The following MGAT4C variants were observed in gnomAD, a reference collection of about 807,000 sequenced individuals.
MGAT4C encodes MGAT4 family member C.
In MGAT4C, 19 loss-of-function variants were observed where a neutral mutation model predicts 40.1. The observed-to-expected ratio is 0.47, with a 90% CI of 0.33 to 0.70. The LOEUF (loss-of-function observed/expected upper bound fraction) is 0.70. Among genes scored for constraint, MGAT4C ranks in the 30% least tolerant of loss-of-function variants. The pLI, the probability that MGAT4C is intolerant of heterozygous loss-of-function variation, is 0.02. For missense variants in MGAT4C, 491 were observed against 563.2 expected (o/e 0.87, Z 1.30); for synonymous variants, 181 against 187.1 (o/e 0.97, Z 0.27).
chr12:86,827,812 T>C (rs1420469616), intron 1 of MGAT4C, among the ~76,000 whole-genome samples: 1 of 151,426 alleles, frequency 6.6e-6, no homozygotes, highest in Non-Finnish European at 1.5e-5. Context: ...TATAAAGGCA[T>C]CATACCATGT....
At chr12:86,724,235 T>C (rs1303648956) in intron 2 of MGAT4C, among the ~76,000 whole-genome samples, 2 of 152,188 alleles carry the variant, frequency 1.3e-5, no homozygotes, top group Non-Finnish European at 1.5e-5. Context: ...CACCCAATGA[T>C]TCTTTTAAAT....
chr12:86,084,259 TA>T (rs34003454), intron 1 of MGAT4C, among the ~76,000 whole-genome samples: 1 of 152,020 alleles, frequency 6.6e-6, no homozygotes, highest in African/African-American at 2.4e-5. Context: ...CCTGGTAGGG[TA>T]AAAAACAAGG....
intron 1 of MGAT4C, among the ~76,000 whole-genome samples, chr12:86,234,136 AAAAAG>A (rs2136023678): frequency 6.6e-6 from 1 of 152,304 alleles, no homozygotes; most frequent in South Asian, 2.1e-4. Context: ...GTTCAGATTG[AAAAAG>A]CCATCTGGTT....
intron 4 of MGAT4C, among the ~76,000 whole-genome samples, chr12:86,294,123 AC>A: frequency 1.1e-5 from 1 of 92,684 alleles, no homozygotes; most frequent in East Asian, 3.3e-4. Context: ...AAATTAAAAA[AC>A]AATATTAAAA....
intron 2 of MGAT4C, among the ~76,000 whole-genome samples, chr12:86,033,082 C>T (rs1453344952): frequency 6.7e-6 from 1 of 149,168 alleles, no homozygotes; most frequent in Non-Finnish European, 1.5e-5. Context: ...TTTAGCTGTG[C>T]AGCATTATTT....
At position 86,198,431 on chromosome 12, in the gene MGAT4C, C is replaced by A. The variant is rs1476375827; in HGVS notation, c.-57+57808G>T. ...TTACATTTGCATTTTTTAGTAACCT[C>A]TACAGTTATAAAACATTGCTTTTTA... On this transcript the variant is annotated intron_variant, in intron 1 of 4. Coordinates refer to ENST00000611864, the MANE Select transcript of MGAT4C (RefSeq NM_001351288.2). 3.9e-5 allele frequency among the ~76,000 whole-genome samples: 6 copies of A among 152,230 alleles called. No homozygotes were observed. The South Asian group carries it at 6.2e-4, about 16-fold the overall frequency.
chr12:86,296,233 C>G (rs1001966699), intron 4 of MGAT4C, among the ~76,000 whole-genome samples: 2 of 152,142 alleles, frequency 1.3e-5, no homozygotes, highest in Non-Finnish European at 2.9e-5. Context: ...GGTGCACTCA[C>G]AAACCTTGAG....
chr12:86,078,895 T>C (rs1382882629), intron 1 of MGAT4C, among the ~76,000 whole-genome samples: 1 of 152,236 alleles, frequency 6.6e-6, no homozygotes, highest in African/African-American at 2.4e-5. Flanking sequence ...TATTTTGACA[T>C]CTGACATGCA....
chr12:86,188,953 C>A (rs1380879461), intron 1 of MGAT4C, among the ~76,000 whole-genome samples: 1 of 151,766 alleles, frequency 6.6e-6, no homozygotes, highest in African/African-American at 2.4e-5. Context: ...AAAGCATATG[C>A]TTTAAAATAA....
intron 3 of MGAT4C, among the ~76,000 whole-genome samples, chr12:86,391,170 T>A (rs965682713): frequency 6.6e-6 from 1 of 152,156 alleles, no homozygotes; most frequent in African/African-American, 2.4e-5. Flanking sequence ...AGCTTTTGGA[T>A]GATAGGAAAG....
intron 4 of MGAT4C, among the ~76,000 whole-genome samples, chr12:86,327,764 A>G (rs1954560611): frequency 6.6e-6 from 1 of 152,110 alleles, no homozygotes; most frequent in Non-Finnish European, 1.5e-5. Context: ...TTTTCAATCA[A>G]TCTGTTTCTT....
chr12:86,389,387 T>C (rs1046171179), intron 3 of MGAT4C, among the ~76,000 whole-genome samples: 4 of 152,212 alleles, frequency 2.6e-5, no homozygotes, highest in African/African-American at 4.8e-5. Context: ...TTCTTTTTTA[T>C]GGCTGCATAG....
At chr12:86,464,864 G>C (rs1432606469) in intron 2 of MGAT4C, among the ~76,000 whole-genome samples, 1 of 151,964 alleles carries the variant, frequency 6.6e-6, no homozygotes, top group African/African-American at 2.4e-5. Context: ...TGACTTCTAT[G>C]TAAGAGTTCA....
intron 2 of MGAT4C, among the ~76,000 whole-genome samples, chr12:86,035,632 T>C (rs904782467): frequency 1.3e-5 from 2 of 150,094 alleles, no homozygotes; most frequent in Non-Finnish European, 3.0e-5. Context: ...TTTGGTGTTT[T>C]AGTCATGAAG....
intron 2 of MGAT4C, among the ~76,000 whole-genome samples, chr12:86,564,782 A>C (rs1209494002): frequency 6.6e-6 from 1 of 152,144 alleles, no homozygotes; most frequent in African/African-American, 2.4e-5. Flanking sequence ...ATTCTGGCCC[A>C]TTTATCCAGT....
chr12:86,790,953 C>G (rs1952011518), intron 1 of MGAT4C, among the ~76,000 whole-genome samples: 1 of 152,064 alleles, frequency 6.6e-6, no homozygotes, highest in Non-Finnish European at 1.5e-5. Flanking sequence ...ACCAATTCTC[C>G]CATTGTGTAG....
At chr12:86,129,062 T>G (rs965861336) in intron 1 of MGAT4C, among the ~76,000 whole-genome samples, 2 of 152,152 alleles carry the variant, frequency 1.3e-5, no homozygotes, top group Non-Finnish European at 2.9e-5. Context: ...AAGAGGTGAA[T>G]GGGATATGCT....
chr12:86,236,945 A>G (rs1383180734), intron 1 of MGAT4C, among the ~76,000 whole-genome samples: 1 of 151,578 alleles, frequency 6.6e-6, no homozygotes, highest in African/African-American at 2.4e-5. Context: ...CTTGAACAAG[A>G]AAAATGTATC....
chr12:86,148,356 G>T (rs1883832547), intron 1 of MGAT4C, among the ~76,000 whole-genome samples: 1 of 152,146 alleles, frequency 6.6e-6, no homozygotes, highest in Non-Finnish European at 1.5e-5. Context: ...AAAAAACATT[G>T]TGTGCTTATC....
Sources: allele counts gnomAD v4.1 joint callset (sites outside exome capture counted in the v4.1 genomes callset), GRCh38; gene constraint gnomAD v4.1.1; transcripts MANE v1.5; gene names NCBI Gene and HGNC (gene_info 2026-07-23, HGNC 2026-07-21).